The following SORCS1 variants were observed in gnomAD, a reference collection of about 807,000 sequenced individuals.
The protein encoded by SORCS1 is VPS10 domain-containing receptor SorCS1.
Under a neutral mutation model 146.1 loss-of-function variants are expected in SORCS1, and 60 were observed. The observed-to-expected ratio is 0.41, with a 90% confidence interval of 0.33 to 0.51. The LOEUF is 0.51. Among genes scored for constraint, SORCS1 ranks in the 20% least tolerant of loss-of-function variants. The pLI is 0.21. For synonymous variants in SORCS1, 637 were observed against 584.0 expected (o/e 1.09, Z -1.31); for missense variants, 1,352 against 1,487.6 (o/e 0.91, Z 1.50).
At chr10:106,685,734 G>C (rs988963403) in intron 10 of SORCS1, among the ~76,000 whole-genome samples, 6 of 152,178 alleles carry the variant, frequency 3.9e-5, no homozygotes, top group Non-Finnish European at 2.9e-5. Context: ...ACTACACAGG[G>C]GCCAGATCAC....
chr10:106,687,942 C>G (rs1341204580), intron 10 of SORCS1, among the ~76,000 whole-genome samples: 1 of 152,148 alleles, frequency 6.6e-6, no homozygotes, highest in Admixed American at 6.5e-5. Context: ...ATTTGAGGCC[C>G]TCATCAGAAC....
At chr10:106,980,611 G>A (rs74152290) in intron 1 of SORCS1, among the ~76,000 whole-genome samples, 7,535 of 152,224 alleles carry the variant, frequency 0.049, 612 homozygotes, top group African/African-American at 0.17. Context: ...AAATTTTTCT[G>A]CCACTCACCA....
At chr10:106,640,793 C>G (rs1589541886) in intron 18 of SORCS1, among the ~76,000 whole-genome samples, 3 of 152,350 alleles carry the variant, frequency 2.0e-5, no homozygotes, top group Non-Finnish European at 4.4e-5. Flanking sequence ...GATGCCACCT[C>G]TCACTGCATG....
At chr10:106,849,008 T>A (rs1949430532) in intron 2 of SORCS1, among the ~76,000 whole-genome samples, 1 of 151,108 alleles carries the variant, frequency 6.6e-6, no homozygotes, top group Non-Finnish European at 1.5e-5. Flanking sequence ...TCTCTCTGAC[T>A]GCCCTTAACA....
chr10:106,851,590 T>G (rs1949575572), intron 2 of SORCS1, among the ~76,000 whole-genome samples: 2 of 152,246 alleles, frequency 1.3e-5, no homozygotes, highest in Non-Finnish European at 2.9e-5. Context: ...AATAACAAAC[T>G]GTCCTGATTA....
Position 106,776,628 on chromosome 10 carries a change from G to A in SORCS1, c.791C>T (p.Thr264Ile). 6.2e-7 allele frequency: 1 copy of A among 1,614,066 alleles called. No homozygotes were observed. The highest frequency in any genetic ancestry group is 2.2e-5 in the East Asian group (1 of 44,874). ...SLLISSDEGA[T>I]YQKYRLNFYI... ...GAAGTTCAGCCGGTACTTTTGATAA[G>A]TTGCCCCTTCATCTGAGCTGATCAA... The change falls in exon 4 of 26, where the codon ACT becomes ATT. Residue 264 changes from threonine to isoleucine, a missense_variant. By Grantham distance (89) the Thr-to-Ile change is moderately conservative. Transcript: ENST00000263054.
At chr10:107,033,784 A>G (rs957330157) in intron 1 of SORCS1, among the ~76,000 whole-genome samples, 1 of 152,016 alleles carries the variant, frequency 6.6e-6, no homozygotes, top group Non-Finnish European at 1.5e-5. Context: ...GCTTTTCTTA[A>G]ATCCTCACCC....
intron 1 of SORCS1, among the ~76,000 whole-genome samples, chr10:107,053,061 G>C (rs979407341): frequency 1.3e-5 from 2 of 152,104 alleles, no homozygotes; most frequent in South Asian, 4.2e-4. Flanking sequence ...TCTAACTTTG[G>C]AATACATTTC....
intron 1 of SORCS1, among the ~76,000 whole-genome samples, chr10:106,994,804 C>T (rs569750232): frequency 6.6e-6 from 1 of 152,176 alleles, no homozygotes; most frequent in Non-Finnish European, 1.5e-5. Flanking sequence ...GAGGCAATAA[C>T]TCATTGAGAG....
At chr10:106,985,383 C>T (rs896948156) in intron 1 of SORCS1, among the ~76,000 whole-genome samples, 3 of 151,928 alleles carry the variant, frequency 2.0e-5, no homozygotes, top group South Asian at 2.1e-4. Context: ...ATCCTTATGT[C>T]TTATGCTACA....
intron 6 of SORCS1, among the ~76,000 whole-genome samples, chr10:106,727,648 T>C (rs972863528): frequency 1.1e-4 from 16 of 151,690 alleles, no homozygotes; most frequent in Admixed American, 3.3e-4. Context: ...GAGAAGAACA[T>C]GATAAAGAAA....
intron 4 of SORCS1, among the ~76,000 whole-genome samples, chr10:106,768,581 A>G (rs2136304241): frequency 6.6e-6 from 1 of 152,356 alleles, no homozygotes; most frequent in South Asian, 2.1e-4. Flanking sequence ...CTATTGTTAT[A>G]ATCAATAATA....
rs549772580 is a variant in SORCS1, at chr10:106,992,437, AATGATCT to A, written c.559-35864_559-35858del. Among the ~76,000 whole-genome samples the A allele has an allele frequency of 1.9e-3, 287 of 152,276 alleles. 1 individual carries two copies. The highest frequency in any genetic ancestry group is 6.6e-3 in the African/African-American group (273 of 41,546). ...GATGGAAAACCTATAGGTAGTTCCT[AATGATCT>A]ATATTGCAGACCCCCTTTTTCTAGT... On this transcript the variant is annotated intron_variant, in intron 1 of 25. Coordinates refer to ENST00000263054, the MANE Select transcript of SORCS1 (RefSeq NM_052918.5).
intron 5 of SORCS1, among the ~76,000 whole-genome samples, chr10:106,731,126 G>A (rs1362161296): frequency 6.6e-6 from 1 of 151,394 alleles, no homozygotes; most frequent in Admixed American, 6.6e-5. Context: ...TGGCTAACAC[G>A]GTGAAACCCC....
chr10:106,591,904 T>C (rs530391624), intron 24 of SORCS1, among the ~76,000 whole-genome samples: 6 of 152,198 alleles, frequency 3.9e-5, no homozygotes, highest in Non-Finnish European at 8.8e-5. Flanking sequence ...CAATCTGGAA[T>C]ATCATGAGTA....
At chr10:106,624,759 T>C (rs1054820801) in intron 19 of SORCS1, among the ~76,000 whole-genome samples, 1 of 152,254 alleles carries the variant, frequency 6.6e-6, no homozygotes, top group Non-Finnish European at 1.5e-5. Context: ...CATACATGCA[T>C]ATACATTATA....
At chr10:106,869,286 T>C (rs1950324047) in intron 2 of SORCS1, among the ~76,000 whole-genome samples, 1 of 152,214 alleles carries the variant, frequency 6.6e-6, no homozygotes, top group Non-Finnish European at 1.5e-5. Context: ...GTACCATTCT[T>C]ACTGAAACAT....
chr10:106,623,495 C>T (rs996383538), intron 19 of SORCS1, among the ~76,000 whole-genome samples: 6 of 151,898 alleles, frequency 4.0e-5, no homozygotes, highest in Non-Finnish European at 5.9e-5. Flanking sequence ...CCGCCCGCCT[C>T]GGCCTCCCAA....
chr10:107,174,617 A>T, the SORCS1 span, among the ~76,000 whole-genome samples: 1 of 152,138 alleles, frequency 6.6e-6, no homozygotes, highest in African/African-American at 2.4e-5. Flanking sequence ...TAAAAACAAA[A>T]TTAATTTTAT....
Sources: gnomAD v4.1 joint callset for allele counts (sites outside exome capture counted in the v4.1 genomes callset) on GRCh38, gnomAD v4.1.1 for gene constraint, MANE v1.5 for transcripts, NCBI Gene and HGNC (gene_info 2026-07-23, HGNC 2026-07-21) for gene names.